The following CEACAM7 variants were observed in gnomAD, a reference collection of about 807,000 sequenced individuals.
CEACAM7 encodes CEA cell adhesion molecule 7.
In CEACAM7, 24 loss-of-function variants were observed where a neutral mutation model predicts 25.7. The observed-to-expected ratio is 0.93, with a 90% confidence interval of 0.68 to 1.31. The LOEUF is 1.31. Ranked by LOEUF, CEACAM7 falls within the 40% of genes most tolerant of loss-of-function variation. The pLI, the probability that CEACAM7 is intolerant of heterozygous loss-of-function variation, is 0.00. For synonymous variants in CEACAM7, 144 were observed against 129.4 expected (o/e 1.11, Z -0.77); for missense variants, 324 against 330.1 (o/e 0.98, Z 0.14).
chr19:41,688,261 C>T lies in CEACAM7; in HGVS notation c.-96G>A. 1 of 1,511,084 alleles carries T rather than the reference C, an allele frequency of 6.6e-7. No individual in the cohort carries two copies. The highest frequency in any genetic ancestry group is 1.3e-5 in the South Asian group (1 of 78,020). 93.6% of individuals were successfully genotyped at this position (1,511,084 alleles called of 1,614,324 possible). On this transcript the variant is annotated 5_prime_UTR_variant, in exon 1 of 5. Transcript: ENST00000401731. ...GTGACTGTCAGCTCTGCTGTCCTTCCTACCTCTGTGCTGAGCCTCCTCCCA... is the reference window on the plus strand; with the variant it reads ...GTGACTGTCAGCTCTGCTGTCCTTCTTACCTCTGTGCTGAGCCTCCTCCCA...
At chr19:41,685,284 T>C (rs1369025931) in intron 2 of CEACAM7, among the ~76,000 whole-genome samples, 1 of 152,066 alleles carries the variant, frequency 6.6e-6, no homozygotes. Flanking sequence ...ATTTACACAG[T>C]CATGAGACTC....
rs1447459253 is a variant in CEACAM7 at position 41,674,374 on chromosome 19, G to A, written c.*402C>T. 2.6e-5 allele frequency: 4 copies of A among 154,222 alleles called. No homozygotes were observed. Among genetic ancestry groups the A allele is most frequent in the African/African-American group, 2.4e-5 (1 of 41,460 alleles). The allele number at this position is 154,222 out of a possible 1,614,324, so 9.6% of individuals were successfully genotyped here. A position where few individuals can be genotyped will look rare whatever the true frequency, so the allele number is the denominator to read the frequency against. Reference sequence around the variant, plus strand: ...CTCTGTCAAATTACCTGCACAAGGCGCTGATTGTGAAATTCTAGTTACAGC... The same window carrying A: ...CTCTGTCAAATTACCTGCACAAGGCACTGATTGTGAAATTCTAGTTACAGC... On this transcript the variant is annotated 3_prime_UTR_variant, in exon 5 of 5. Coordinates refer to ENST00000401731, the MANE Select transcript of CEACAM7 (RefSeq NM_001291485.2).
Position 41,687,218 on chromosome 19 carries a change from G to T in CEACAM7, c.68C>A (p.Ser23Ter), listed in dbSNP as rs199608746. ...IPWQGLLLTASLLTFWNLPNS... is the reference protein window; with the variant it reads ...IPWQGLLLTA Reference sequence around the variant, plus strand: ...TGGCAGGTTCCAGAAGGTTAAAAGCGAGGCTAGGAGGGGGAGAGAACATCA... The same window carrying T: ...TGGCAGGTTCCAGAAGGTTAAAAGCTAGGCTAGGAGGGGGAGAGAACATCA... The change falls in exon 2 of 5, where the codon TCG becomes TAG. Residue 23 changes from serine to a stop codon, truncating the protein, a stop_gained. Coordinates refer to ENST00000401731, the MANE Select transcript of CEACAM7 (RefSeq NM_001291485.2). LOFTEE classifies it high-confidence loss of function. 6.3e-7 allele frequency: 1 copy of T among 1,592,714 alleles called. No homozygotes were observed. Among genetic ancestry groups the T allele is most frequent in the Admixed American group, 1.8e-5 (1 of 56,844 alleles).
At chr19:41,678,588 A>G (rs1436659269) in intron 3 of CEACAM7, among the ~76,000 whole-genome samples, 2 of 152,142 alleles carry the variant, frequency 1.3e-5, no homozygotes, top group African/African-American at 4.8e-5. Context: ...TTTGAGCTGT[A>G]AAATAATACT....
In CEACAM7 at chr19:41,687,281, G is replaced by C; in HGVS notation, c.65-60C>G. The C allele has an allele frequency of 2.0e-6, 3 of 1,518,594 alleles. No homozygotes were observed. In the East Asian group the frequency reaches 6.8e-5, roughly 34 times the overall value. The allele number at this position is 1,518,594 out of a possible 1,614,324, so 94.1% of individuals were successfully genotyped here. On this transcript the variant is annotated intron_variant, in intron 1 of 4. Transcript: ENST00000401731. ...ACCTATGTATTGGGGTGGAAAGATG[G>C]GGCCCTGGATCCTGAGCAGGTCTCT...
rs114806007 is a variant in CEACAM7 at position 41,681,544 on chromosome 19, A to G, written c.706+2241T>C. Among the ~76,000 whole-genome samples, 1,123 of 152,350 alleles carry G rather than the reference A, an allele frequency of 7.4e-3. 8 individuals are homozygous for G. The highest frequency in any genetic ancestry group is 0.025 in the African/African-American group (1,035 of 41,568). On this transcript the variant is annotated intron_variant, in intron 3 of 4. Transcript: ENST00000401731. ...AAACAGCTCAAAAGTCCACCGAACG[A>G]TAAGTCAAGAGGCAAAATGAAATAT...
At chr19:41,678,919 C>A (rs2072144796) in intron 3 of CEACAM7, among the ~76,000 whole-genome samples, 2 of 152,092 alleles carry the variant, frequency 1.3e-5, no homozygotes, top group Admixed American at 1.3e-4. Context: ...TAAATACATA[C>A]ATTTAAAAAG....
chr19:41,674,575 GT>G lies in CEACAM7; in HGVS notation c.*200del. On this transcript the variant is annotated 3_prime_UTR_variant, in exon 5 of 5. Coordinates refer to ENST00000401731, the MANE Select transcript of CEACAM7 (RefSeq NM_001291485.2). ...TCTAGTTATGGTGTTGAACATTTTG[GT>G]TAGCTCTGAGTGGCCCACATCTCAG... The G allele has an allele frequency of 3.8e-6, 1 of 264,878 alleles. No individual in the cohort carries two copies. The allele number at this position is 264,878 out of a possible 1,614,324, so 16.4% of individuals were successfully genotyped here. A position where few individuals can be genotyped will look rare whatever the true frequency, so the allele number is the denominator to read the frequency against.
chr19:41,682,928 A>G (rs185269605), intron 3 of CEACAM7, among the ~76,000 whole-genome samples: 3 of 152,304 alleles, frequency 2.0e-5, no homozygotes, highest in Middle Eastern at 3.4e-3. Context: ...CCCTCCCCAC[A>G]TTCCAGGCTG....
In CEACAM7 at chr19:41,682,783, A is replaced by G. The variant is rs73934070; in HGVS notation, c.706+1002T>C. Among the ~76,000 whole-genome samples the G allele has an allele frequency of 4.8e-3, 737 of 152,338 alleles. 11 individuals are homozygous for G. Among genetic ancestry groups the G allele is most frequent in the African/African-American group, 0.017 (698 of 41,572 alleles). ...AAAGCTTCCTTCTTCCTTGTAGCTCATGAATTAGGCAAAAGAACACAAAGA... is the reference window on the plus strand; with the variant it reads ...AAAGCTTCCTTCTTCCTTGTAGCTCGTGAATTAGGCAAAAGAACACAAAGA... On this transcript the variant is annotated intron_variant, in intron 3 of 4. Coordinates refer to ENST00000401731, the MANE Select transcript of CEACAM7 (RefSeq NM_001291485.2).
At position 41,677,362 on chromosome 19, in the gene CEACAM7, G is replaced by T; in HGVS notation, c.*36+14C>A. The T allele has an allele frequency of 7.3e-7, 1 of 1,378,986 alleles. No homozygotes were observed. The highest frequency in any genetic ancestry group is 1.0e-6 in the Non-Finnish European group (1 of 966,106). 85.4% of individuals were successfully genotyped at this position (1,378,986 alleles called of 1,614,324 possible). A position where few individuals can be genotyped will look rare whatever the true frequency, so the allele number is the denominator to read the frequency against. On this transcript the variant is annotated intron_variant, in intron 4 of 4. Coordinates refer to ENST00000401731, the MANE Select transcript of CEACAM7 (RefSeq NM_001291485.2). The stretch of plus-strand genomic sequence containing the variant: ...TGCAGGAAATAGGATAAGAGGAAAG[G>T]TCATAATACCTACCACTCTTCCCGA...
chr19:41,684,718 T>C (rs1393098807), intron 2 of CEACAM7, among the ~76,000 whole-genome samples: 1 of 152,162 alleles, frequency 6.6e-6, no homozygotes, highest in Non-Finnish European at 1.5e-5. Flanking sequence ...AGGGGCTGGC[T>C]GAAAATCTGA....
rs1048730381 is a variant in CEACAM7, at chr19:41,687,120, G to A, written c.166C>T (p.His56Tyr). The A allele has an allele frequency of 6.2e-7, 1 of 1,614,066 alleles. No individual in the cohort carries two copies. Among genetic ancestry groups the A allele is most frequent in the Admixed American group, 1.7e-5 (1 of 60,008 alleles). Residue 56 changes from histidine (H) to tyrosine (Y), a missense_variant, in exon 2 of 5, where the codon CAT (histidine) becomes TAT (tyrosine). By Grantham distance (83) the His-to-Tyr change is moderately conservative (BLOSUM62 2). Transcript: ENST00000401731. Reference protein sequence around the residue: ...AEGKEVLLVVHNESQNLYGYN... With the variant: ...AEGKEVLLVVYNESQNLYGYN... Reference sequence around the variant, plus strand: ...CCATAAAGATTCTGGGACTCATTATGGACTACTAGAAGGACCTCCTTCCCT... The same window carrying A: ...CCATAAAGATTCTGGGACTCATTATAGACTACTAGAAGGACCTCCTTCCCT...
chr19:41,687,014 GCATTTTCTTGACT>G lies in CEACAM7; in HGVS notation c.259_271del (p.Ser87ProfsTer19). The G allele has an allele frequency of 2.5e-6, 4 of 1,613,930 alleles. No homozygotes were observed. The highest frequency in any genetic ancestry group is 1.7e-4 in the Middle Eastern group (1 of 6,054). ...TCGACCGTTGTGTGCGGGCCCTGGG[GCATTTTCTTGACT>G]TATATTTTTTACATATCCTATAATT... On this transcript the variant is annotated frameshift_variant, in exon 2 of 5. Transcript: ENST00000401731. LOFTEE classifies it high-confidence loss of function.
At chr19:41,685,613 T>A (rs1332559846) in intron 2 of CEACAM7, among the ~76,000 whole-genome samples, 1 of 152,158 alleles carries the variant, frequency 6.6e-6, no homozygotes, top group South Asian at 2.1e-4. Flanking sequence ...GGCCCTGGCA[T>A]GTGCAGGGTG....
intron 3 of CEACAM7, among the ~76,000 whole-genome samples, chr19:41,683,070 T>G (rs548423513): frequency 6.6e-6 from 1 of 152,244 alleles, no homozygotes; most frequent in East Asian, 1.9e-4. Flanking sequence ...AAGAAAAGTT[T>G]TTTCAGCTCT....
At chr19:41,677,153 T>A (rs2072122248) in intron 4 of CEACAM7, among the ~76,000 whole-genome samples, 1 of 152,138 alleles carries the variant, frequency 6.6e-6, no homozygotes, top group Non-Finnish European at 1.5e-5. Flanking sequence ...GGGAAACAAA[T>A]GAGCAGAGGC....
At chr19:41,679,398 G>A (rs2072149451) in intron 3 of CEACAM7, among the ~76,000 whole-genome samples, 1 of 152,054 alleles carries the variant, frequency 6.6e-6, no homozygotes, top group Non-Finnish European at 1.5e-5. Context: ...AACACACTCA[G>A]ATTATAAATA....
chr19:41,679,742 C>T lies in CEACAM7; in HGVS notation c.707-2239G>A, dbSNP rs929527960. ...AGATACTAAATCAACATGCAAAAATCAGTTGAAATCAGCTGTATTTCTTTT... is the reference window on the plus strand; with the variant it reads ...AGATACTAAATCAACATGCAAAAATTAGTTGAAATCAGCTGTATTTCTTTT... On this transcript the variant is annotated intron_variant, in intron 3 of 4. Coordinates refer to ENST00000401731, the MANE Select transcript of CEACAM7 (RefSeq NM_001291485.2). 1.6e-4 allele frequency among the ~76,000 whole-genome samples: 24 copies of T among 151,116 alleles called. 1 individual carries two copies. Among genetic ancestry groups the T allele is most frequent in the Admixed American group, 1.1e-3 (16 of 15,162 alleles).
Sources: gnomAD v4.1 joint callset for allele counts (sites outside exome capture counted in the v4.1 genomes callset) on GRCh38, gnomAD v4.1.1 for gene constraint, MANE v1.5 for transcripts, NCBI Gene and HGNC (gene_info 2026-07-23, HGNC 2026-07-21) for gene names.